ZNF273: variants seen among roughly 807,000 people sequenced by gnomAD.
The protein encoded by ZNF273 is zinc finger protein 9.
A neutral mutation model predicts 14.9 loss-of-function variants in ZNF273; 11 were observed. That is an observed-to-expected ratio of 0.74 (90% CI 0.46 to 1.22). The LOEUF is 1.22. Among genes scored for constraint, ZNF273 ranks in the 50% most tolerant of loss-of-function variants. ZNF273 has a pLI of 0.00. For synonymous variants in ZNF273, 199 were observed against 223.9 expected, an observed-to-expected ratio of 0.89 and a Z score of 0.99; for missense variants, 577 against 660.6, an observed-to-expected ratio of 0.87 and a Z score of 1.39.
downstream of ZNF273, among the ~76,000 whole-genome samples, chr7:64,934,113 T>C (rs952391847): frequency 2.0e-5 from 3 of 152,202 alleles, no homozygotes; most frequent in Non-Finnish European, 4.4e-5. Context: ...CAGGCTGGTC[T>C]CTAACTCCTG....
chr7:64,882,052 G>C (rs1192347986), downstream of ZNF273, among the ~76,000 whole-genome samples: 1 of 152,072 alleles, frequency 6.6e-6, no homozygotes, highest in Non-Finnish European at 1.5e-5. Context: ...CTCCCAGATT[G>C]CCCGTGGGTG....
At chr7:64,916,072 T>C (rs6966781) in intron 1 of ZNF273, among the ~76,000 whole-genome samples, 4,218 of 151,826 alleles carry the variant, frequency 0.028, 178 homozygotes, top group African/African-American at 0.093. Flanking sequence ...GGCACATGCT[T>C]GTAGTCCCAG....
chr7:64,935,524 T>C (rs1481683055), downstream of ZNF273, among the ~76,000 whole-genome samples: 1 of 152,042 alleles, frequency 6.6e-6, no homozygotes, highest in African/African-American at 2.4e-5. Context: ...CACCTATTAT[T>C]TATTTATTTA....
At chr7:64,930,989 A>T (rs1186774515), downstream of ZNF273, 1 of 152,140 alleles carries the variant, frequency 6.6e-6, no homozygotes, top group Non-Finnish European at 1.5e-5. Flanking sequence ...GAATATTTTT[A>T]AAAATTTGTT....
At chr7:64,898,655 A>G (rs1792505963), upstream of ZNF273, among the ~76,000 whole-genome samples, 1 of 152,242 alleles carries the variant, frequency 6.6e-6, no homozygotes, top group African/African-American at 2.4e-5. Flanking sequence ...TAATATGGTA[A>G]GTGTGTTAAC....
At chr7:64,900,207 A>T (rs1381909673), upstream of ZNF273, among the ~76,000 whole-genome samples, 1 of 147,012 alleles carries the variant, frequency 6.8e-6, no homozygotes, top group Non-Finnish European at 1.5e-5. Context: ...GCTCACTGCC[A>T]CCTCCATTTT....
rs1794910777 is a variant in ZNF273, at chr7:64,929,091, A to G, written c.*53A>G. 3 of 537,356 alleles carry G rather than the reference A, an allele frequency of 5.6e-6. No homozygotes were observed. Among genetic ancestry groups the G allele is most frequent in the South Asian group, 5.8e-5 (2 of 34,284 alleles). 33.3% of individuals were successfully genotyped at this position (537,356 alleles called of 1,614,324 possible). A position where few individuals can be genotyped will look rare whatever the true frequency, so the allele number is the denominator to read the frequency against. On this transcript the variant is annotated 3_prime_UTR_variant, in exon 4 of 4. Coordinates refer to ENST00000476120, the MANE Select transcript of ZNF273 (RefSeq NM_021148.3). ...AAGCGGTTGTCACACTTGATTGTAT[A>G]TAAGATAATTCATACTGGAGAAAAC... is the stretch of plus-strand genomic sequence containing the variant.
downstream of ZNF273, chr7:64,880,349 C>T (rs1366209921): frequency 3.3e-5 from 5 of 152,154 alleles, no homozygotes; most frequent in Non-Finnish European, 2.9e-5. Context: ...AGTTGCACTT[C>T]TATGATTTCT....
chr7:64,883,223 T>TC (rs1791364643), downstream of ZNF273, among the ~76,000 whole-genome samples: 6 of 138,070 alleles, frequency 4.3e-5, no homozygotes, highest in South Asian at 5.0e-4. Context: ...CACCCCCCCC[T>TC]CACCAAGCAG....
upstream of ZNF273, among the ~76,000 whole-genome samples, chr7:64,900,015 C>T (rs939365651): frequency 3.3e-5 from 5 of 152,122 alleles, no homozygotes; most frequent in Non-Finnish European, 7.4e-5. Flanking sequence ...CTGCCTCGGC[C>T]TCCCAAAGTG....
At chr7:64,924,458 CTGTTGATATT>C (rs1224234441) in intron 3 of ZNF273, 3 of 152,052 alleles carry the variant, frequency 2.0e-5, no homozygotes, top group Non-Finnish European at 4.4e-5. Context: ...TGTTTCAATT[CTGTTGATATT>C]TGCTTTATAT....
intron 1 of ZNF273, among the ~76,000 whole-genome samples, chr7:64,909,379 C>T (rs1793333298): frequency 6.6e-6 from 1 of 152,132 alleles, no homozygotes; most frequent in South Asian, 2.1e-4. Flanking sequence ...CATGCACCAC[C>T]ATGCCTGGCT....
chr7:64,879,426 A>G (rs938385826), intron 2 of ZNF273: 1 of 152,270 alleles, frequency 6.6e-6, no homozygotes, highest in Non-Finnish European at 1.5e-5. Context: ...GCCCCTCAAC[A>G]GCACTACTGG....
At chr7:64,882,268 G>A (rs942078298), downstream of ZNF273, among the ~76,000 whole-genome samples, 1 of 152,184 alleles carries the variant, frequency 6.6e-6, no homozygotes, top group African/African-American at 2.4e-5. Context: ...AGTCCCAAGA[G>A]CAGCTTTCAG....
At chr7:64,922,696 A>G (rs1224246346) in intron 3 of ZNF273, among the ~76,000 whole-genome samples, 1 of 151,036 alleles carries the variant, frequency 6.6e-6, no homozygotes, top group East Asian at 2.0e-4. Flanking sequence ...TTATTAGTCC[A>G]TGTCACACCT....
chr7:64,912,830 T>TTTG (rs200954773), intron 1 of ZNF273, among the ~76,000 whole-genome samples: 1 of 94,274 alleles, frequency 1.1e-5, no homozygotes, highest in East Asian at 2.8e-4. Context: ...ATTTTAGTTT[T>TTTG]TTTTTTTTTT....
chr7:64,899,769 T>G (rs1227643811), upstream of ZNF273, among the ~76,000 whole-genome samples: 2 of 151,996 alleles, frequency 1.3e-5, no homozygotes, highest in African/African-American at 2.4e-5. Flanking sequence ...AGGTTTTTTT[T>G]TTTTTTTTGA....
rs142615749 is a variant in ZNF273, at chr7:64,921,297, C to T, written c.325+3005C>T. On this transcript the variant is annotated intron_variant, in intron 3 of 3. Transcript: ENST00000476120. The stretch of plus-strand genomic sequence containing the variant: ...CAGGCTGGTCTCGAACTCCTGACCT[C>T]GTGATCCGCCCACCTCAGCCTCACA... Among the ~76,000 whole-genome samples the T allele has an allele frequency of 9.2e-3, 1,399 of 152,066 alleles. 17 individuals carry two copies. Among genetic ancestry groups the T allele is most frequent in the African/African-American group, 0.032 (1,328 of 41,490 alleles).
rs1259314954 is a variant in ZNF273 at position 64,928,781 on chromosome 7, C to A, written c.1453C>A (p.Pro485Thr). The A allele has an allele frequency of 3.1e-6, 5 of 1,613,462 alleles. No individual in the cohort carries two copies. Among genetic ancestry groups the A allele is most frequent in the Admixed American group, 1.7e-5 (1 of 59,972 alleles). The change falls in exon 4 of 4, where the codon CCT (proline) becomes ACT (threonine). Residue 485 changes from proline to threonine, a missense_variant. Physicochemically the swap from Pro to Thr is conservative, Grantham distance 38 (BLOSUM62 -1). This residue lies in a region of ZNF273 where 411 missense variants were observed against 440.4 expected (regional missense o/e 0.93). Coordinates refer to ENST00000476120, the MANE Select transcript of ZNF273 (RefSeq NM_021148.3). ...EHKRVHTGEK[P>T]YKCNECGKAF... ...TAAGAGAGTTCATACTGGAGAGAAA[C>A]CTTACAAATGCAATGAATGTGGTAA...
Sources: gnomAD v4.1 joint callset for allele counts (sites outside exome capture counted in the v4.1 genomes callset) on GRCh38, gnomAD v4.1.1 for gene constraint, gnomAD v4.1.1 regional missense constraint, MANE v1.5 for transcripts, NCBI Gene and HGNC (gene_info 2026-07-23, HGNC 2026-07-21) for gene names.